RANBP17: variants seen among roughly 807,000 people sequenced by gnomAD.
The protein encoded by RANBP17 is RAN binding protein 17, also known as ran-binding protein 17.
RANBP17 carries 158 observed loss-of-function variants against 141.2 expected under a neutral mutation model. That is an observed-to-expected ratio of 1.12 (90% CI 0.98 to 1.28). The LOEUF is 1.28. Ranked by LOEUF, RANBP17 falls within the 50% of genes most tolerant of loss-of-function variation. The probability of loss-of-function intolerance (pLI) is 0.00; values close to 1 mark genes in which losing one functional copy is unlikely to be tolerated. For synonymous variants in RANBP17, 430 were observed against 450.0 expected, an observed-to-expected ratio of 0.96 and a Z score of 0.56; for missense variants, 1,438 against 1,290.7, an observed-to-expected ratio of 1.11 and a Z score of -1.75.
intron 24 of RANBP17, among the ~76,000 whole-genome samples, chr5:171,250,313 A>G (rs568582364): frequency 5.3e-5 from 8 of 152,336 alleles, no homozygotes; most frequent in African/African-American, 1.7e-4. Context: ...AAAACACACA[A>G]GAGTTTAAAA....
chr5:171,248,542 T>G (rs756376149), intron 24 of RANBP17, among the ~76,000 whole-genome samples: 1 of 152,112 alleles, frequency 6.6e-6, no homozygotes, highest in Non-Finnish European at 1.5e-5. Context: ...TACTGCAATC[T>G]AAACCACATG....
chr5:170,935,753 TGAG>T (rs1177612306), intron 12 of RANBP17, among the ~76,000 whole-genome samples: 1 of 152,168 alleles, frequency 6.6e-6, no homozygotes, highest in Non-Finnish European at 1.5e-5. Context: ...GGGACCCACT[TGAG>T]GAGGCAGTCG....
intron 13 of RANBP17, among the ~76,000 whole-genome samples, chr5:170,962,587 A>C (rs1776233466): frequency 6.6e-6 from 1 of 152,230 alleles, no homozygotes; most frequent in African/African-American, 2.4e-5. Flanking sequence ...CTATTTATTT[A>C]ACTAAAACTT....
chr5:171,054,996 G>C (rs562119239), intron 14 of RANBP17, among the ~76,000 whole-genome samples: 1 of 152,126 alleles, frequency 6.6e-6, no homozygotes, highest in Admixed American at 6.6e-5. Context: ...GGTGGTATCT[G>C]GAAGACTAAT....
At chr5:171,252,956 GT>G in intron 24 of RANBP17, 1 of 1,437,118 alleles carries the variant, frequency 7.0e-7, no homozygotes, top group Non-Finnish European at 9.8e-7. Flanking sequence ...TCTGAGTCTG[GT>G]TACATCCTTT....
chr5:170,909,131 G>A (rs565436224), intron 5 of RANBP17, among the ~76,000 whole-genome samples: 1 of 151,848 alleles, frequency 6.6e-6, no homozygotes, highest in East Asian at 1.9e-4. Flanking sequence ...TATTCAGAGG[G>A]AATATACTAT....
chr5:170,912,702 G>GA (rs34855958), intron 7 of RANBP17, among the ~76,000 whole-genome samples: 17 of 150,878 alleles, frequency 1.1e-4, no homozygotes, highest in African/African-American at 2.7e-4. Flanking sequence ...TTGATAGGAG[G>GA]AAAAAAAAAC....
chr5:171,218,676 G>T (rs1038936859), intron 21 of RANBP17, among the ~76,000 whole-genome samples: 3 of 151,140 alleles, frequency 2.0e-5, no homozygotes, highest in African/African-American at 7.3e-5. Context: ...TGTCTTTTTT[G>T]ATCTTTGTGG....
intron 16 of RANBP17, among the ~76,000 whole-genome samples, chr5:171,172,504 T>C (rs140931597): frequency 4.9e-4 from 74 of 151,668 alleles, no homozygotes; most frequent in Admixed American, 1.4e-3. Context: ...TTTTAAGATA[T>C]GTATTTTTTC....
intron 14 of RANBP17, among the ~76,000 whole-genome samples, chr5:171,048,881 G>T (rs1281945752): frequency 6.6e-6 from 1 of 152,072 alleles, no homozygotes; most frequent in African/African-American, 2.4e-5. Flanking sequence ...GTCTACCATT[G>T]GTGGGCATTT....
chr5:171,253,898 G>A (rs1765725043), intron 24 of RANBP17, among the ~76,000 whole-genome samples: 1 of 151,980 alleles, frequency 6.6e-6, no homozygotes, highest in Non-Finnish European at 1.5e-5. Flanking sequence ...CTTTTATTAT[G>A]GTTTCTAAAT....
chr5:171,178,288 T>C (rs933307504), intron 16 of RANBP17, among the ~76,000 whole-genome samples: 7 of 151,860 alleles, frequency 4.6e-5, no homozygotes, highest in African/African-American at 1.5e-4. Context: ...TTTCTGTTCC[T>C]GTGTTAGTTC....
intron 14 of RANBP17, among the ~76,000 whole-genome samples, chr5:171,141,376 C>T (rs979917661): frequency 6.7e-6 from 1 of 150,258 alleles, no homozygotes; most frequent in Non-Finnish European, 1.5e-5. Context: ...GTGGGCGGAT[C>T]ACAAGGTCAG....
chr5:170,916,658 C>G, intron 9 of RANBP17, 74 bp downstream of exon 9: 14 of 865,118 alleles, frequency 1.6e-5, no homozygotes, highest in South Asian at 2.7e-5. Flanking sequence ...ATAAACTCAT[C>G]ATGAATTTAT....
At chr5:170,922,645 C>T (rs1772565350) in intron 11 of RANBP17, among the ~76,000 whole-genome samples, 1 of 152,220 alleles carries the variant, frequency 6.6e-6, no homozygotes, top group Non-Finnish European at 1.5e-5. Context: ...AGGGTATCTC[C>T]TGGTCTGCAG....
intron 24 of RANBP17, among the ~76,000 whole-genome samples, chr5:171,258,279 C>A (rs373673949): frequency 6.6e-6 from 1 of 151,956 alleles, no homozygotes; most frequent in Admixed American, 6.6e-5. Flanking sequence ...GCTCATGGAT[C>A]GGAAGAATAT....
In RANBP17 at chr5:170,918,824, A is replaced by G. The variant is rs934874039; in HGVS notation, c.1066A>G (p.Arg356Gly). 6.3e-7 allele frequency: 1 copy of G among 1,588,286 alleles called. No homozygotes were observed. Residue 356 changes from arginine (R) to glycine (G), a missense_variant, in exon 10 of 28, where the codon AGA (arginine) becomes GGA (glycine). Coordinates refer to ENST00000523189, the MANE Select transcript of RANBP17 (RefSeq NM_022897.5). ...GGTGAAGGAATATCCTGAAGTTATT[A>G]GATTGATTGCTAATTTTACCATTAC... ...VMVKEYPEVIRLIANFTITSL... is the reference protein window; with the variant it reads ...VMVKEYPEVIGLIANFTITSL...
chr5:171,089,218 G>T (rs1177146801), intron 14 of RANBP17, among the ~76,000 whole-genome samples: 3 of 118,780 alleles, frequency 2.5e-5, no homozygotes, highest in East Asian at 3.1e-4. Context: ...ATACCCTGCA[G>T]TGTGAGGTGT....
At chr5:170,988,384 TG>T (rs1778295829) in intron 14 of RANBP17, among the ~76,000 whole-genome samples, 1 of 151,058 alleles carries the variant, frequency 6.6e-6, no homozygotes, top group Non-Finnish European at 1.5e-5. Flanking sequence ...TTTTTTTTTT[TG>T]GTGATTCTAG....
Sources: allele counts gnomAD v4.1 joint callset (sites outside exome capture counted in the v4.1 genomes callset), GRCh38; gene constraint gnomAD v4.1.1; transcripts MANE v1.5; gene names NCBI Gene and HGNC (gene_info 2026-07-23, HGNC 2026-07-21).